SPAG16: variants seen among roughly 807,000 people sequenced by gnomAD.
The protein encoded by SPAG16 is sperm associated antigen 16, also known as sperm-associated antigen 16 protein.
SPAG16 carries 86 observed loss-of-function variants against 80.4 expected under a neutral mutation model. The observed-to-expected ratio is 1.07, with a 90% CI of 0.90 to 1.28. SPAG16 has a LOEUF of 1.28. Among genes scored for constraint, SPAG16 ranks in the 50% most tolerant of loss-of-function variants. The probability of loss-of-function intolerance (pLI) is 0.00; values close to 1 mark genes in which losing one functional copy is unlikely to be tolerated. For missense variants in SPAG16, 870 were observed against 765.3 expected (o/e 1.14, Z -1.61); for synonymous variants, 294 against 265.9 (o/e 1.11, Z -1.03).
At chr2:213,563,108 A>G (rs1224976837) in intron 10 of SPAG16, among the ~76,000 whole-genome samples, 1 of 151,976 alleles carries the variant, frequency 6.6e-6, no homozygotes, top group African/African-American at 2.4e-5. Context: ...TTTGTGTTTT[A>G]TTTTTTTAGT....
chr2:213,433,918 T>C (rs1288577528), intron 9 of SPAG16, among the ~76,000 whole-genome samples: 3 of 76,870 alleles, frequency 3.9e-5, no homozygotes, highest in East Asian at 4.3e-4. Context: ...TCTTTGTCTT[T>C]TTTTTTTTTT....
chr2:214,206,757 A>G (rs2058155006), intron 15 of SPAG16, among the ~76,000 whole-genome samples: 1 of 152,034 alleles, frequency 6.6e-6, no homozygotes, highest in Non-Finnish European at 1.5e-5. Context: ...GAGAGTTCCT[A>G]TTTCTCTGCA....
chr2:213,347,214 G>A lies in SPAG16; in HGVS notation c.645-3314G>A, dbSNP rs1447356353. Among the ~76,000 whole-genome samples the A allele has an allele frequency of 9.9e-5, 15 of 152,240 alleles. No individual in the cohort carries two copies. The East Asian group carries it at 2.7e-3, about 27-fold the overall frequency. ...TTCTCTGATGGTAGTTTGTATTTCT[G>A]TGGGATCGGTGGTGATATCCCCTTT... On this transcript the variant is annotated intron_variant, in intron 6 of 15. Transcript: ENST00000331683.
chr2:214,000,916 C>T (rs2046762092), intron 12 of SPAG16, among the ~76,000 whole-genome samples: 1 of 152,052 alleles, frequency 6.6e-6, no homozygotes, highest in Admixed American at 6.6e-5. Flanking sequence ...CTCCTTTATT[C>T]TATGCTTGCT....
In SPAG16 at chr2:214,051,029, C is replaced by G. The variant is rs147634670; in HGVS notation, c.1527+36952C>G. 2.5e-3 allele frequency among the ~76,000 whole-genome samples: 377 copies of G among 152,218 alleles called. 3 individuals are homozygous for G. The highest frequency in any genetic ancestry group is 8.6e-3 in the African/African-American group (357 of 41,530). ...TTCCCTGAAGACTAGTTATGACTGT[C>G]TTTTTTGAACCATGCAATCATAGCA... On this transcript the variant is annotated intron_variant, in intron 13 of 15. Transcript: ENST00000331683.
intron 10 of SPAG16, among the ~76,000 whole-genome samples, chr2:213,608,646 G>A (rs540627571): frequency 1.3e-5 from 2 of 152,232 alleles, no homozygotes; most frequent in African/African-American, 4.8e-5. Context: ...GTGTGTATGT[G>A]TCTTTATAGC....
intron 12 of SPAG16, among the ~76,000 whole-genome samples, chr2:213,977,342 G>A (rs1422954258): frequency 6.6e-6 from 1 of 152,012 alleles, no homozygotes; most frequent in African/African-American, 2.4e-5. Context: ...TTCCTGGAGT[G>A]TAGGCACTTA....
At chr2:214,126,963 G>GT (rs753338863) in intron 14 of SPAG16, among the ~76,000 whole-genome samples, 1 of 151,816 alleles carries the variant, frequency 6.6e-6, no homozygotes, top group African/African-American at 2.4e-5. Context: ...ATTTTTTGTA[G>GT]TAAGTTCTCT....
At chr2:213,705,786 TTTGTTGTTGTTGTTG>T (rs10525863) in intron 10 of SPAG16, among the ~76,000 whole-genome samples, 3 of 127,808 alleles carry the variant, frequency 2.3e-5, no homozygotes. Flanking sequence ...TGGTGGAGGG[TTTGTTGTTGTTGTTG>T]TTGTTGTTGT....
intron 9 of SPAG16, among the ~76,000 whole-genome samples, chr2:213,487,981 C>G (rs948318334): frequency 6.6e-6 from 1 of 151,848 alleles, no homozygotes; most frequent in African/African-American, 2.4e-5. Flanking sequence ...AAATGTTTAA[C>G]TTAATTATAT....
At chr2:213,897,122 T>C (rs2077025964) in intron 11 of SPAG16, among the ~76,000 whole-genome samples, 1 of 152,162 alleles carries the variant, frequency 6.6e-6, no homozygotes, top group Non-Finnish European at 1.5e-5. Context: ...ATGGATATCC[T>C]AAGTACACTG....
At chr2:213,909,644 T>A (rs1481734697) in intron 11 of SPAG16, among the ~76,000 whole-genome samples, 1 of 152,122 alleles carries the variant, frequency 6.6e-6, no homozygotes. Context: ...CCCTATTTAA[T>A]AAATGGTGCT....
chr2:213,708,944 A>T (rs2065868266), intron 10 of SPAG16, among the ~76,000 whole-genome samples: 1 of 152,186 alleles, frequency 6.6e-6, no homozygotes, highest in Admixed American at 6.6e-5. Context: ...TGATATCTGT[A>T]TATATCAGCA....
chr2:213,716,778 T>C (rs1352462585), intron 10 of SPAG16, among the ~76,000 whole-genome samples: 4 of 152,234 alleles, frequency 2.6e-5, no homozygotes, highest in Admixed American at 6.5e-5. Flanking sequence ...TTTAAAATTC[T>C]ATTTGCTATC....
intron 11 of SPAG16, among the ~76,000 whole-genome samples, chr2:213,900,675 C>T (rs982503547): frequency 4.6e-5 from 7 of 152,114 alleles, no homozygotes; most frequent in Admixed American, 2.0e-4. Flanking sequence ...TGTTACTCTT[C>T]TCTTCCTGAA....
chr2:214,089,843 C>T (rs1370414731), intron 13 of SPAG16, among the ~76,000 whole-genome samples: 1 of 151,964 alleles, frequency 6.6e-6, no homozygotes, highest in Non-Finnish European at 1.5e-5. Flanking sequence ...CCATAAATCC[C>T]TTTACCATAT....
At chr2:213,885,635 G>A (rs1346330) in intron 11 of SPAG16, among the ~76,000 whole-genome samples, 90,408 of 152,018 alleles carry the variant, frequency 0.59, 28,764 homozygotes, top group South Asian at 0.85. Context: ...ATAGCCATGA[G>A]GTCTTTGTGT....
intron 12 of SPAG16, among the ~76,000 whole-genome samples, chr2:213,936,716 TA>T (rs2079004994): frequency 6.6e-6 from 1 of 152,154 alleles, no homozygotes; most frequent in South Asian, 2.1e-4. Flanking sequence ...GACACTAATA[TA>T]AACATTATAA....
chr2:214,227,058 G>A (rs2058713320), intron 15 of SPAG16, among the ~76,000 whole-genome samples: 2 of 152,186 alleles, frequency 1.3e-5, no homozygotes, highest in African/African-American at 2.4e-5. Context: ...ACCAAGTCTA[G>A]TGTAGTGTTT....
Sources: gnomAD v4.1 joint callset for allele counts (sites outside exome capture counted in the v4.1 genomes callset) on GRCh38, gnomAD v4.1.1 for gene constraint, MANE v1.5 for transcripts, NCBI Gene and HGNC (gene_info 2026-07-23, HGNC 2026-07-21) for gene names.